HOMER2: variants seen among roughly 807,000 people sequenced by gnomAD.
HOMER2 encodes the protein homer scaffold protein 2, also known as homer protein homolog 2.
HOMER2 carries 27 observed loss-of-function variants against 47.0 expected under a neutral mutation model. That is an observed-to-expected ratio of 0.57 (90% CI 0.42 to 0.79). The LOEUF is 0.79. Ranked by LOEUF, HOMER2 falls within the 30% of genes least tolerant of loss-of-function variation. The probability of loss-of-function intolerance (pLI) is 0.00; values close to 1 mark genes in which losing one functional copy is unlikely to be tolerated. For missense variants in HOMER2, 443 were observed against 435.0 expected (o/e 1.02, Z -0.16); for synonymous variants, 161 against 163.8 (o/e 0.98, Z 0.13).
chr15:82,927,087 T>C (rs1239824402), intron 1 of HOMER2, among the ~76,000 whole-genome samples: 1 of 152,292 alleles, frequency 6.6e-6, no homozygotes, highest in East Asian at 1.9e-4. Flanking sequence ...CATTCATGAT[T>C]TGATTTCAAC....
Position 82,849,473 on chromosome 15 carries a change from G to A in HOMER2, c.*242C>T, listed in dbSNP as rs929000481. The A allele has an allele frequency of 3.7e-6, 2 of 542,122 alleles. No individual in the cohort carries two copies. The highest frequency in any genetic ancestry group is 6.0e-5 in the East Asian group (2 of 33,572). The allele number at this position is 542,122 out of a possible 1,614,324, so 33.6% of individuals were successfully genotyped here. A position where few individuals can be genotyped will look rare whatever the true frequency, so the allele number is the denominator to read the frequency against. ...CTGCCCTGACTGCATAAATGTTGAA[G>A]GTAGACCTAGTTCTGGATTCCTGAG... On this transcript the variant is annotated 3_prime_UTR_variant, in exon 9 of 9. Transcript: ENST00000450735.
At chr15:82,860,447 T>G (rs1232328426) in intron 4 of HOMER2, among the ~76,000 whole-genome samples, 1 of 152,038 alleles carries the variant, frequency 6.6e-6, no homozygotes, top group East Asian at 1.9e-4. Context: ...GACCTATGGG[T>G]ACAGGAAGGT....
intron 1 of HOMER2, among the ~76,000 whole-genome samples, chr15:82,904,038 G>A (rs936672165): frequency 3.3e-5 from 5 of 152,318 alleles, no homozygotes; most frequent in African/African-American, 1.2e-4. Flanking sequence ...TCGAGAGGCT[G>A]AGGTGGGAGG....
intron 1 of HOMER2, among the ~76,000 whole-genome samples, chr15:82,977,354 A>T (rs2151261581): frequency 6.6e-6 from 1 of 152,274 alleles, no homozygotes; most frequent in South Asian, 2.1e-4. Flanking sequence ...TTGGATATAC[A>T]GTTTTGTTAA....
rs755258861 is a variant in HOMER2, at chr15:82,875,355, G to A, written c.212C>T (p.Ser71Leu). 1 of 1,613,874 alleles carries A rather than the reference G, an allele frequency of 6.2e-7. No homozygotes were observed. The highest frequency in any genetic ancestry group is 8.5e-7 in the Non-Finnish European group (1 of 1,179,894). The change falls in exon 3 of 9, where the codon TCA becomes TTA. Residue 71 changes from serine to leucine, a missense_variant. Coordinates refer to ENST00000450735, the MANE Select transcript of HOMER2 (RefSeq NM_004839.4). Reference sequence around the variant, plus strand: ...GTCGGCCCACTGCCCAAACTTCTGTGACGTTTTGGTGAAGGTCATATTCGG... The same window carrying A: ...GTCGGCCCACTGCCCAAACTTCTGTAACGTTTTGGTGAAGGTCATATTCGG... The part of the protein sequence containing the change: ...ITPNMTFTKT[S>L]QKFGQWADSR...
intron 1 of HOMER2, among the ~76,000 whole-genome samples, chr15:82,918,052 C>CCTGGGCAG (rs2053634271): frequency 6.6e-6 from 1 of 152,128 alleles, no homozygotes; most frequent in Non-Finnish European, 1.5e-5. Context: ...ATGGAGAACA[C>CCTGGGCAG]CTGGGCAGCA....
At chr15:82,955,530 G>A (rs1430963035), upstream of HOMER2, among the ~76,000 whole-genome samples, 2 of 152,282 alleles carry the variant, frequency 1.3e-5, no homozygotes, top group South Asian at 2.1e-4. Flanking sequence ...GTTGTTATTA[G>A]TGTGCTCAGA....
chr15:82,952,786 C>G (rs965846310), upstream of HOMER2: 26 of 850,386 alleles, frequency 3.1e-5, no homozygotes, highest in East Asian at 4.9e-4. Context: ...GCCGCTACCC[C>G]CGCCCGGCTC....
At chr15:82,944,475 A>T (rs1241075325) in intron 1 of HOMER2, among the ~76,000 whole-genome samples, 1 of 152,346 alleles carries the variant, frequency 6.6e-6, no homozygotes. Flanking sequence ...CTGGGGGGAA[A>T]AAACAAAGTC....
upstream of HOMER2, chr15:82,952,822 C>A (rs2054539664): frequency 1.7e-6 from 1 of 588,118 alleles, no homozygotes. Context: ...GGCCCCCGGG[C>A]CGCGGCAGCG....
At chr15:82,969,941 AAAT>A (rs1235720403) in intron 1 of HOMER2, among the ~76,000 whole-genome samples, 2 of 152,240 alleles carry the variant, frequency 1.3e-5, no homozygotes, top group Non-Finnish European at 2.9e-5. Context: ...CCCATGGAAT[AAAT>A]GTTTGTTTAA....
intron 1 of HOMER2, among the ~76,000 whole-genome samples, chr15:82,934,864 C>T (rs1056602516): frequency 3.3e-5 from 5 of 152,220 alleles, no homozygotes; most frequent in African/African-American, 1.2e-4. Context: ...AAAACAATTT[C>T]ACATCACCTT....
chr15:82,871,480 GCTAA>G (rs984954855), intron 3 of HOMER2, among the ~76,000 whole-genome samples: 16 of 152,174 alleles, frequency 1.1e-4, no homozygotes, highest in African/African-American at 2.9e-4. Context: ...CTCTGTGCTA[GCTAA>G]CTGTCACTTG....
chr15:82,939,623 C>A (rs2054218446), intron 1 of HOMER2, among the ~76,000 whole-genome samples: 1 of 152,120 alleles, frequency 6.6e-6, no homozygotes, highest in Non-Finnish European at 1.5e-5. Context: ...TGAGCCGAGA[C>A]TGCACCACTG....
chr15:82,893,974 G>C (rs576195028), intron 1 of HOMER2, among the ~76,000 whole-genome samples: 1 of 152,272 alleles, frequency 6.6e-6, no homozygotes, highest in East Asian at 1.9e-4. Flanking sequence ...TTTTATCTCT[G>C]TATCTCTTCA....
chr15:82,899,724 AAT>A (rs2053048011), intron 1 of HOMER2, among the ~76,000 whole-genome samples: 1 of 152,136 alleles, frequency 6.6e-6, no homozygotes, highest in Non-Finnish European at 1.5e-5. Flanking sequence ...CCAGATAGAA[AAT>A]ATAACAGATT....
At chr15:82,904,419 T>G (rs2053227584) in intron 1 of HOMER2, among the ~76,000 whole-genome samples, 1 of 152,222 alleles carries the variant, frequency 6.6e-6, no homozygotes, top group Non-Finnish European at 1.5e-5. Flanking sequence ...GCCTGCCCAC[T>G]GTCTTCAGTT....
chr15:82,974,955 A>T (rs1051596253), intron 1 of HOMER2, among the ~76,000 whole-genome samples: 4 of 152,190 alleles, frequency 2.6e-5, no homozygotes, highest in African/African-American at 9.7e-5. Context: ...CTGTAATCCC[A>T]GCTACTCGGG....
intron 2 of HOMER2, among the ~76,000 whole-genome samples, chr15:82,877,660 T>C (rs534639675): frequency 6.6e-6 from 1 of 152,320 alleles, no homozygotes; most frequent in Non-Finnish European, 1.5e-5. Context: ...ATCTATGAAG[T>C]ACTGATGTTC....
Sources: gnomAD v4.1 joint callset for allele counts (sites outside exome capture counted in the v4.1 genomes callset) on GRCh38, gnomAD v4.1.1 for gene constraint, MANE v1.5 for transcripts, NCBI Gene and HGNC (gene_info 2026-07-23, HGNC 2026-07-21) for gene names.